Variants in PHLDB2 observed in about 807,000 individuals in gnomAD.
The protein encoded by PHLDB2 is pleckstrin homology like domain family B member 2, also known as pleckstrin homology-like domain family B member 2.
A neutral mutation model predicts 123.6 loss-of-function variants in PHLDB2; 71 were observed. That is an observed-to-expected ratio of 0.57 (90% CI 0.47 to 0.70). The LOEUF (loss-of-function observed/expected upper bound fraction) is 0.70, where lower values mean the gene tolerates loss of function less well. PHLDB2 is among the 30% of genes least tolerant of loss of function. PHLDB2 has a pLI of 0.00. For missense variants in PHLDB2, 1,446 were observed against 1,519.5 expected (o/e 0.95, Z 0.80); for synonymous variants, 547 against 541.6 (o/e 1.01, Z -0.14).
intron 1 of PHLDB2, among the ~76,000 whole-genome samples, chr3:111,807,257 T>C (rs935003489): frequency 6.6e-6 from 1 of 152,100 alleles, no homozygotes; most frequent in Non-Finnish European, 1.5e-5. Context: ...GTACCAAACA[T>C]AGAGACAGGC....
At chr3:111,798,750 G>A (rs1239612413) in intron 1 of PHLDB2, among the ~76,000 whole-genome samples, 1 of 149,826 alleles carries the variant, frequency 6.7e-6, no homozygotes, top group Non-Finnish European at 1.5e-5. Flanking sequence ...CTAGGATCTG[G>A]CATCTTTGAT....
At chr3:111,832,551 C>A (rs1394843099) in intron 1 of PHLDB2, among the ~76,000 whole-genome samples, 1 of 147,484 alleles carries the variant, frequency 6.8e-6, no homozygotes, top group Non-Finnish European at 1.5e-5. Context: ...TAACAAAAAT[C>A]ATATGGCATT....
chr3:111,961,752 A>G (rs16858936), intron 12 of PHLDB2, among the ~76,000 whole-genome samples: 46,770 of 151,988 alleles, frequency 0.31, 8,321 homozygotes, highest in African/African-American at 0.48. Flanking sequence ...ACTAGGAGGC[A>G]TCTTATTTTC....
intron 1 of PHLDB2, among the ~76,000 whole-genome samples, chr3:111,843,179 G>T (rs1224815976): frequency 6.6e-6 from 1 of 152,184 alleles, no homozygotes; most frequent in East Asian, 1.9e-4. Flanking sequence ...GGCAGATTGT[G>T]ATCCAAAGAG....
At chr3:111,908,900 A>T (rs1396919961) in intron 2 of PHLDB2, among the ~76,000 whole-genome samples, 4 of 151,904 alleles carry the variant, frequency 2.6e-5, no homozygotes, top group Non-Finnish European at 5.9e-5. Flanking sequence ...TCATTCTACC[A>T]CTCACTCAGA....
chr3:111,846,161 T>C, intron 2 of PHLDB2: 1 of 442,978 alleles, frequency 2.3e-6, no homozygotes, highest in Admixed American at 3.4e-5. Flanking sequence ...TTTTATTTAG[T>C]CCAGATGCTG....
chr3:111,871,216 A>G (rs1440540137), intron 1 of PHLDB2, among the ~76,000 whole-genome samples: 2 of 152,180 alleles, frequency 1.3e-5, no homozygotes, highest in Non-Finnish European at 2.9e-5. Flanking sequence ...ACGTTGCATA[A>G]TTTGGGAATT....
intron 1 of PHLDB2, among the ~76,000 whole-genome samples, chr3:111,749,259 A>G (rs1014494201): frequency 3.9e-5 from 6 of 152,178 alleles, no homozygotes; most frequent in East Asian, 1.9e-4. Flanking sequence ...CTATGATAGC[A>G]CAGAAATCAC....
At chr3:111,948,091 T>C (rs996747424) in intron 9 of PHLDB2, among the ~76,000 whole-genome samples, 2 of 152,224 alleles carry the variant, frequency 1.3e-5, no homozygotes, top group Admixed American at 6.5e-5. Flanking sequence ...TTCTCAGATA[T>C]TTTGATCCGT....
chr3:111,844,867 G>A (rs1049900059), intron 1 of PHLDB2, among the ~76,000 whole-genome samples: 4 of 152,094 alleles, frequency 2.6e-5, no homozygotes, highest in Non-Finnish European at 5.9e-5. Context: ...AGAATCAAGT[G>A]GGACAATATT....
chr3:111,797,984 A>G (rs2061233605), intron 1 of PHLDB2, among the ~76,000 whole-genome samples: 1 of 152,122 alleles, frequency 6.6e-6, no homozygotes, highest in Non-Finnish European at 1.5e-5. Flanking sequence ...ACATAAGAAC[A>G]TTAGCTAAGT....
chr3:111,765,075 CA>C (rs981250472), intron 1 of PHLDB2, among the ~76,000 whole-genome samples: 4 of 151,952 alleles, frequency 2.6e-5, no homozygotes, highest in Non-Finnish European at 4.4e-5. Flanking sequence ...TTAATAGGGC[CA>C]AAAAAAGTCT....
At chr3:111,972,459 A>G (rs1432856897) in intron 16 of PHLDB2, among the ~76,000 whole-genome samples, 1 of 152,166 alleles carries the variant, frequency 6.6e-6, no homozygotes, top group Non-Finnish European at 1.5e-5. Context: ...CACCTAGTAA[A>G]AAATTCAAAA....
chr3:111,834,160 A>ATATGTAATAGAATTATATATATAT (rs1559858057), intron 1 of PHLDB2, among the ~76,000 whole-genome samples: 2,107 of 26,026 alleles, frequency 0.081, 59 homozygotes, highest in Non-Finnish European at 0.15. Context: ...TATATATATT[A>ATATGTAATAGAATTATATATATAT]TATATGTAAT....
intron 1 of PHLDB2, among the ~76,000 whole-genome samples, chr3:111,817,311 A>T (rs2062128582): frequency 6.6e-6 from 1 of 152,212 alleles, no homozygotes; most frequent in African/African-American, 2.4e-5. Flanking sequence ...ATAAACAAAC[A>T]GTATCCAAAC....
chr3:111,845,706 G>T, intron 1 of PHLDB2: 1 of 1,216,690 alleles, frequency 8.2e-7, no homozygotes. Context: ...GCAGTAGTTA[G>T]TTTCCCCGGA....
At chr3:111,836,451 C>A (rs1461703463) in intron 1 of PHLDB2, among the ~76,000 whole-genome samples, 1 of 152,112 alleles carries the variant, frequency 6.6e-6, no homozygotes, top group Non-Finnish European at 1.5e-5. Context: ...CCAGTTCTAG[C>A]TCCTCACTGA....
intron 1 of PHLDB2, among the ~76,000 whole-genome samples, chr3:111,828,793 G>C (rs901990895): frequency 2.0e-5 from 3 of 151,912 alleles, no homozygotes; most frequent in Non-Finnish European, 4.4e-5. Flanking sequence ...AAAACAAAAT[G>C]AACAAACAAA....
At chr3:111,772,507 G>A (rs928678406) in intron 1 of PHLDB2, among the ~76,000 whole-genome samples, 1 of 152,016 alleles carries the variant, frequency 6.6e-6, no homozygotes, top group African/African-American at 2.4e-5. Context: ...AAAGCTGGAG[G>A]GCTTTTTAAA....
Sources: allele counts gnomAD v4.1 joint callset (sites outside exome capture counted in the v4.1 genomes callset), GRCh38; gene constraint gnomAD v4.1.1; transcripts MANE v1.5; gene names NCBI Gene and HGNC (gene_info 2026-07-23, HGNC 2026-07-21).